TMPRSS12: variants seen among roughly 807,000 people sequenced by gnomAD.
The protein encoded by TMPRSS12 is transmembrane serine protease 12.
Under a neutral mutation model 26.0 loss-of-function variants are expected in TMPRSS12, and 25 were observed. That is an observed-to-expected ratio of 0.96 (90% confidence interval 0.70 to 1.34). The LOEUF (loss-of-function observed/expected upper bound fraction) is 1.34. TMPRSS12 is among the 40% of genes most tolerant of loss of function. TMPRSS12 has a pLI of 0.00. For synonymous variants in TMPRSS12, 150 were observed against 161.7 expected, an observed-to-expected ratio of 0.93 and a Z score of 0.55; for missense variants, 441 against 440.1, an observed-to-expected ratio of 1.00 and a Z score of -0.02.
At chr12:50,865,120 C>T (rs560603954) in intron 3 of TMPRSS12, among the ~76,000 whole-genome samples, 5 of 152,122 alleles carry the variant, frequency 3.3e-5, no homozygotes, top group Admixed American at 3.3e-4. Flanking sequence ...TCACCTGAGA[C>T]CAGGAGTTTG....
At chr12:50,865,908 CTT>C (rs1937986833) in intron 3 of TMPRSS12, among the ~76,000 whole-genome samples, 1 of 152,116 alleles carries the variant, frequency 6.6e-6, no homozygotes, top group Non-Finnish European at 1.5e-5. Flanking sequence ...AGAAACATAG[CTT>C]GAGTACAGAC....
intron 3 of TMPRSS12, among the ~76,000 whole-genome samples, chr12:50,859,473 C>T (rs926181911): frequency 3.3e-5 from 5 of 152,292 alleles, no homozygotes; most frequent in Middle Eastern, 3.4e-3. Context: ...ACATCGGCCT[C>T]CCAAAGTGCT....
rs1938219551 is a variant in TMPRSS12 at position 50,885,705 on chromosome 12, G to A, written c.795+317G>A. 13 of 564,320 alleles carry A rather than the reference G, an allele frequency of 2.3e-5. No homozygotes were observed. The South Asian group carries it at 2.8e-4, about 12-fold the overall frequency. 35.0% of individuals were successfully genotyped at this position (564,320 alleles called of 1,614,324 possible). The stretch of plus-strand genomic sequence containing the variant: ...TAGTCTCGCTTTGTCACCCATGCTG[G>A]AGTGCAGTGACACAATCTCTGTTCA... On this transcript the variant is annotated intron_variant, in intron 4 of 4. Transcript: ENST00000398458.
In TMPRSS12 at chr12:50,858,773, ACTTT is replaced by A. The variant is rs1937905671; in HGVS notation, c.384-6_384-3del. 5.3e-6 allele frequency: 8 copies of A among 1,508,280 alleles called. No individual in the cohort carries two copies. The highest frequency in any genetic ancestry group is 4.8e-5 in the Admixed American group (2 of 41,598). The allele number at this position is 1,508,280 out of a possible 1,614,324, so 93.4% of individuals were successfully genotyped here. ...AAAGATATTTATAATAAGAATGTTT[ACTTT>A]CTTTCAGCGATCCTTTAATGTGGAC... On this transcript the variant is annotated splice_region_variant and splice_polypyrimidine_tract_variant and intron_variant, in intron 2 of 4. Transcript: ENST00000398458.
intron 3 of TMPRSS12, among the ~76,000 whole-genome samples, chr12:50,873,038 C>T (rs552428167): frequency 2.0e-5 from 3 of 151,304 alleles, no homozygotes; most frequent in South Asian, 4.2e-4. Flanking sequence ...GCATTCGCAG[C>T]GACCTGGATG....
chr12:50,874,594 A>C (rs1938095827), intron 3 of TMPRSS12, among the ~76,000 whole-genome samples: 2 of 152,180 alleles, frequency 1.3e-5, no homozygotes, highest in African/African-American at 4.8e-5. Flanking sequence ...AAGAAATAAA[A>C]GGTAACCAAA....
intron 2 of TMPRSS12, among the ~76,000 whole-genome samples, chr12:50,856,188 C>T (rs865854994): frequency 6.6e-5 from 10 of 152,102 alleles, no homozygotes; most frequent in African/African-American, 1.7e-4. Flanking sequence ...CGTGTACCCC[C>T]GAACCTAAAA....
chr12:50,866,827 G>C (rs1003316875), intron 3 of TMPRSS12, among the ~76,000 whole-genome samples: 1 of 152,176 alleles, frequency 6.6e-6, no homozygotes, highest in Non-Finnish European at 1.5e-5. Flanking sequence ...ACAGCCCCCA[G>C]TACCAGCCCA....
chr12:50,852,005 A>G (rs1235941652), intron 2 of TMPRSS12, among the ~76,000 whole-genome samples: 1 of 152,240 alleles, frequency 6.6e-6, no homozygotes, highest in Admixed American at 6.5e-5. Context: ...ATGCTAAGGG[A>G]ATTAATTACC....
chr12:50,863,936 AC>A (rs1937963105), intron 3 of TMPRSS12, among the ~76,000 whole-genome samples: 1 of 152,182 alleles, frequency 6.6e-6, no homozygotes, highest in Non-Finnish European at 1.5e-5. Flanking sequence ...TGTACACTTG[AC>A]TTTTTAGTGC....
chr12:50,853,981 C>A (rs1008098222), intron 2 of TMPRSS12, among the ~76,000 whole-genome samples: 21 of 152,118 alleles, frequency 1.4e-4, no homozygotes, highest in Non-Finnish European at 2.8e-4. Context: ...TCTACAAAGC[C>A]AGCATCATTT....
intron 3 of TMPRSS12, among the ~76,000 whole-genome samples, chr12:50,883,846 A>C (rs908847141): frequency 6.6e-6 from 1 of 152,000 alleles, no homozygotes; most frequent in Non-Finnish European, 1.5e-5. Context: ...CCTACCAAAA[A>C]TAACAATTAG....
intron 3 of TMPRSS12, 90 bp from the exon 4 acceptor site, chr12:50,885,156 C>A: frequency 8.5e-7 from 1 of 1,175,692 alleles, no homozygotes; most frequent in Non-Finnish European, 1.2e-6. Flanking sequence ...TTGCATCAGT[C>A]ACTTTGGAAA....
intron 2 of TMPRSS12, among the ~76,000 whole-genome samples, chr12:50,849,509 A>AATCCTCTC (rs3052722): frequency 0.76 from 114,234 of 151,152 alleles, 43,305 homozygotes; most frequent in Non-Finnish European, 0.78. Context: ...CATAACCTTA[A>AATCCTCTC]ATCCTCTCAT....
chr12:50,882,286 T>TAA (rs59323134), intron 3 of TMPRSS12, among the ~76,000 whole-genome samples: 5 of 58,526 alleles, frequency 8.5e-5, no homozygotes, highest in African/African-American at 2.9e-4. Flanking sequence ...CCCATCTCTC[T>TAA]AAAAAAAAAA....
intron 3 of TMPRSS12, among the ~76,000 whole-genome samples, chr12:50,873,203 G>A (rs1005135542): frequency 2.0e-5 from 3 of 151,816 alleles, no homozygotes; most frequent in Non-Finnish European, 2.9e-5. Context: ...GTGGGAGGGG[G>A]GCGAGGGATA....
chr12:50,853,477 C>T (rs1290912297), intron 2 of TMPRSS12, among the ~76,000 whole-genome samples: 1 of 149,884 alleles, frequency 6.7e-6, no homozygotes, highest in Non-Finnish European at 1.5e-5. Flanking sequence ...AAAATCACAG[C>T]TGAATTGAAT....
At chr12:50,865,829 C>T (rs1192560832) in intron 3 of TMPRSS12, among the ~76,000 whole-genome samples, 6 of 152,052 alleles carry the variant, frequency 3.9e-5, no homozygotes, top group Non-Finnish European at 5.9e-5. Context: ...CTCCTGTTGC[C>T]GTGTGAAGAT....
chr12:50,868,615 A>C (rs192431442), intron 3 of TMPRSS12, among the ~76,000 whole-genome samples: 14 of 152,292 alleles, frequency 9.2e-5, no homozygotes, highest in Admixed American at 8.5e-4. Context: ...ACAAAGAAAC[A>C]ATGGATTTAA....
Sources: gnomAD v4.1 joint callset for allele counts (sites outside exome capture counted in the v4.1 genomes callset) on GRCh38, gnomAD v4.1.1 for gene constraint, MANE v1.5 for transcripts, NCBI Gene and HGNC (gene_info 2026-07-23, HGNC 2026-07-21) for gene names.